Variants in HDGFL3 observed in about 807,000 individuals in gnomAD.
The protein encoded by HDGFL3 is hepatoma-derived growth factor-related protein 3.
Under a neutral mutation model 27.6 loss-of-function variants are expected in HDGFL3, and 6 were observed. The observed-to-expected ratio is 0.22, with a 90% CI of 0.12 to 0.43. HDGFL3 has a LOEUF of 0.43. Among genes scored for constraint, HDGFL3 ranks in the 20% least tolerant of loss-of-function variants. The pLI is 1.00. For missense variants in HDGFL3, 207 were observed against 250.1 expected (o/e 0.83, Z 1.16); for synonymous variants, 88 against 88.9 (o/e 0.99, Z 0.05).
chr15:83,142,439 C>T (rs1370605375), intron 5 of HDGFL3, among the ~76,000 whole-genome samples: 1 of 152,126 alleles, frequency 6.6e-6, no homozygotes, highest in African/African-American at 2.4e-5. Flanking sequence ...AAACCAGATA[C>T]CGCGTGTTCT....
chr15:83,123,705 A>G (rs1373597256), downstream of HDGFL3, among the ~76,000 whole-genome samples: 1 of 152,246 alleles, frequency 6.6e-6, no homozygotes, highest in Non-Finnish European at 1.5e-5. Context: ...CTCTGAGGAA[A>G]GAGGTGGCTG....
At position 83,207,220 on chromosome 15, in the gene HDGFL3, CGGCCGCGAGCTGCGGGCTCGG is replaced by C. The variant is rs1283503016; in HGVS notation, c.84+90_84+110del. 1.4e-6 allele frequency: 1 copy of C among 730,842 alleles called. No individual in the cohort carries two copies. The highest frequency in any genetic ancestry group is 1.9e-6 in the Non-Finnish European group (1 of 522,980). 45.3% of individuals were successfully genotyped at this position (730,842 alleles called of 1,614,324 possible). A position where few individuals can be genotyped will look rare whatever the true frequency, so the allele number is the denominator to read the frequency against. ...CGCCGCCCTCAGCCCTCACCACAGCCGGCCGCGAGCTGCGGGCTCGGGGCTGAGGCGATGGGGAAAGGGGGC... is the reference window on the plus strand; with the variant it reads ...CGCCGCCCTCAGCCCTCACCACAGCCGGCTGAGGCGATGGGGAAAGGGGGC... On this transcript the variant is annotated intron_variant, in intron 1 of 5. Coordinates refer to ENST00000299633, the MANE Select transcript of HDGFL3 (RefSeq NM_016073.4). The surrounding 1 kb of genome is among the most constrained non-coding windows in gnomAD (Gnocchi z 4.8).
intron 2 of HDGFL3, among the ~76,000 whole-genome samples, chr15:83,160,475 A>G (rs994532114): frequency 2.7e-5 from 4 of 148,482 alleles, no homozygotes; most frequent in Admixed American, 1.4e-4. Context: ...ATGAGCCACC[A>G]CACCTGGCCA....
At position 83,132,897 on chromosome 15, in the gene HDGFL3, G is replaced by C. The variant is rs2036350378; in HGVS notation, c.*6373C>G. 1 of 152,062 alleles carries C rather than the reference G, an allele frequency of 6.6e-6. No individual in the cohort carries two copies. Among genetic ancestry groups the C allele is most frequent in the Non-Finnish European group, 1.5e-5 (1 of 68,006 alleles). The allele number at this position is 152,062 out of a possible 1,614,324, so 9.4% of individuals were successfully genotyped here. A position where few individuals can be genotyped will look rare whatever the true frequency, so the allele number is the denominator to read the frequency against. ...ATCTTTTATGTACTTATCCTTTCAT[G>C]GAGACACTCACAGTAAAAAGGTCAA... is the stretch of plus-strand genomic sequence containing the variant. On this transcript the variant is annotated 3_prime_UTR_variant, in exon 6 of 6. Coordinates refer to ENST00000299633, the MANE Select transcript of HDGFL3 (RefSeq NM_016073.4).
At chr15:83,164,489 T>C (rs1320471870) in intron 1 of HDGFL3, among the ~76,000 whole-genome samples, 1 of 151,974 alleles carries the variant, frequency 6.6e-6, no homozygotes, top group African/African-American at 2.4e-5. Flanking sequence ...AAAACTTAAC[T>C]TGATGAACTA....
At chr15:83,205,148 A>G (rs1700747075) in intron 1 of HDGFL3, among the ~76,000 whole-genome samples, 1 of 152,184 alleles carries the variant, frequency 6.6e-6, no homozygotes, top group African/African-American at 2.4e-5. Flanking sequence ...ATTTTATAAC[A>G]TTATCATCTA....
In HDGFL3 at chr15:83,191,008, T is replaced by C. The variant is rs188803989; in HGVS notation, c.84+16323A>G. Among the ~76,000 whole-genome samples the C allele has an allele frequency of 1.9e-4, 29 of 152,310 alleles. No homozygotes were observed. The East Asian group carries it at 5.4e-3, about 28-fold the overall frequency. ...TAACCTATATGGATAACTAATCATA[T>C]CAGTGTTTTTAAAAAAGTTTCTCCT... is the stretch of plus-strand genomic sequence containing the variant. On this transcript the variant is annotated intron_variant, in intron 1 of 5. Transcript: ENST00000299633.
At chr15:83,119,783 C>T in intron 3 of HDGFL3, 3 of 1,557,940 alleles carry the variant, frequency 1.9e-6, no homozygotes, top group South Asian at 2.4e-5. Flanking sequence ...AGCAGGTATA[C>T]TGGACATGAA....
intron 1 of HDGFL3, among the ~76,000 whole-genome samples, chr15:83,173,874 T>C (rs1468382678): frequency 6.6e-6 from 1 of 152,128 alleles, no homozygotes; most frequent in Non-Finnish European, 1.5e-5. Flanking sequence ...AAGGCTCTGG[T>C]ATCCATTCTC....
intron 2 of HDGFL3, among the ~76,000 whole-genome samples, chr15:83,158,847 C>G (rs2037063515): frequency 6.6e-6 from 1 of 151,982 alleles, no homozygotes; most frequent in South Asian, 2.1e-4. Context: ...ACTATTATTT[C>G]TTTCTTTTTT....
rs2151379398 is a variant in HDGFL3, at chr15:83,129,262, A to G, written c.*10008T>C. ...ACCACGTTAAAAGTTTTACTTACCT[A>G]TTTGTCTAAGGATAGGCTATGTGCT... On this transcript the variant is annotated 3_prime_UTR_variant, in exon 6 of 6. Transcript: ENST00000299633. The G allele has an allele frequency of 6.6e-6, 1 of 152,286 alleles. No individual in the cohort carries two copies. Among genetic ancestry groups the G allele is most frequent in the Non-Finnish European group, 1.5e-5 (1 of 68,026 alleles). 9.4% of individuals were successfully genotyped at this position (152,286 alleles called of 1,614,324 possible).
intron 1 of HDGFL3, among the ~76,000 whole-genome samples, chr15:83,177,018 A>G (rs368966083): frequency 2.2e-4 from 26 of 116,402 alleles, no homozygotes; most frequent in African/African-American, 8.7e-4. Flanking sequence ...CCTGGGTCCA[A>G]GCAATTCTCC....
rs869303457 is a variant in HDGFL3 at position 83,164,367 on chromosome 15, C to CAAAAAAAAAAAA, written c.85-304_85-293dup. Among the ~76,000 whole-genome samples the CAAAAAAAAAAAA allele has an allele frequency of 8.4e-3, 324 of 38,404 alleles. 4 individuals are homozygous for CAAAAAAAAAAAA. Among genetic ancestry groups the CAAAAAAAAAAAA allele is most frequent in the Non-Finnish European group, 0.011 (224 of 20,708 alleles). 25.2% of individuals were successfully genotyped at this position (38,404 alleles called of 152,430 possible). ...TGTCCTAGTGAAAAATTAGAGTAAC[C>CAAAAAAAAAAAA]AAAAAAAAAAAAAAAAAAAAAAAAA... On this transcript the variant is annotated intron_variant, in intron 1 of 5. Transcript: ENST00000299633.
chr15:83,162,621 AT>A (rs1249866850), intron 2 of HDGFL3, among the ~76,000 whole-genome samples: 3 of 152,198 alleles, frequency 2.0e-5, no homozygotes, highest in Non-Finnish European at 4.4e-5. Flanking sequence ...TTACATAAAA[AT>A]AATACAAAAG....
intron 1 of HDGFL3, among the ~76,000 whole-genome samples, chr15:83,201,440 ATAAC>A (rs1286526799): frequency 6.6e-6 from 1 of 152,208 alleles, no homozygotes; most frequent in African/African-American, 2.4e-5. Context: ...TAGTGGATGA[ATAAC>A]TACATCAAGT....
chr15:83,200,047 A>T (rs1227515571), intron 1 of HDGFL3, among the ~76,000 whole-genome samples: 3 of 148,762 alleles, frequency 2.0e-5, no homozygotes, highest in East Asian at 2.0e-4. Context: ...TCCATCTCAA[A>T]AAAAAAAAAA....
At chr15:83,139,409 C>G (rs1435662280) in intron 5 of HDGFL3, 134 bp from the exon 6 acceptor site, 3 of 466,774 alleles carry the variant, frequency 6.4e-6, no homozygotes, top group South Asian at 6.0e-5. Context: ...ATTAACAATA[C>G]TTACTGAGCA....
At position 83,134,804 on chromosome 15, in the gene HDGFL3, T is replaced by G. The variant is rs543967111; in HGVS notation, c.*4466A>C. 1 of 152,378 alleles carries G rather than the reference T, an allele frequency of 6.6e-6. No individual in the cohort carries two copies. The highest frequency in any genetic ancestry group is 2.1e-4 in the South Asian group (1 of 4,830). The allele number at this position is 152,378 out of a possible 1,614,324, so 9.4% of individuals were successfully genotyped here. ...GTGGCTTCCAGTCCAGAGAAAATGC[T>G]TGGTTATATATTCAGAAAAACACTA... On this transcript the variant is annotated 3_prime_UTR_variant, in exon 6 of 6. Coordinates refer to ENST00000299633, the MANE Select transcript of HDGFL3 (RefSeq NM_016073.4).
downstream of HDGFL3, chr15:83,127,295 CT>C: frequency 6.9e-7 from 1 of 1,453,976 alleles, no homozygotes; most frequent in Non-Finnish European, 9.1e-7. Context: ...CTTTTTTGTA[CT>C]TTTTAGTCAG....
Sources: gnomAD v4.1 joint callset for allele counts (sites outside exome capture counted in the v4.1 genomes callset) on GRCh38, gnomAD v4.1.1 for gene constraint, Gnocchi (gnomAD v3.1) non-coding constraint, MANE v1.5 for transcripts, NCBI Gene and HGNC (gene_info 2026-07-23, HGNC 2026-07-21) for gene names.